LRMDA: variants seen among roughly 807,000 people sequenced by gnomAD.
LRMDA encodes the protein leucine rich melanocyte differentiation associated, also known as leucine-rich melanocyte differentiation-associated protein.
In LRMDA, 18 loss-of-function variants were observed where a neutral mutation model predicts 29.8. That is an observed-to-expected ratio of 0.60 (90% CI 0.42 to 0.90). The LOEUF (loss-of-function observed/expected upper bound fraction) is 0.90. Ranked by LOEUF, LRMDA falls within the 40% of genes least tolerant of loss-of-function variation. LRMDA has a pLI of 0.00. For missense variants in LRMDA, 273 were observed against 273.9 expected, an observed-to-expected ratio of 1.00 and a Z score of 0.02; for synonymous variants, 125 against 109.4, an observed-to-expected ratio of 1.14 and a Z score of -0.89.
At chr10:75,680,202 C>T (rs778777427) in intron 2 of LRMDA, among the ~76,000 whole-genome samples, 1 of 152,182 alleles carries the variant, frequency 6.6e-6, no homozygotes. Flanking sequence ...ATCTCATTAG[C>T]CTGATAAGTC....
chr10:76,126,340 A>T (rs1849882513), intron 5 of LRMDA, among the ~76,000 whole-genome samples: 1 of 152,208 alleles, frequency 6.6e-6, no homozygotes, highest in African/African-American at 2.4e-5. Context: ...ACAATTGCAG[A>T]TAGCGCATAG....
intron 5 of LRMDA, among the ~76,000 whole-genome samples, chr10:76,266,237 C>A (rs1450148090): frequency 1.2e-5 from 1 of 86,488 alleles, no homozygotes; most frequent in East Asian, 7.1e-4. Flanking sequence ...TAATAATAAT[C>A]ATCTTTTTTT....
chr10:76,159,092 T>C (rs1324097145), intron 5 of LRMDA, among the ~76,000 whole-genome samples: 1 of 152,186 alleles, frequency 6.6e-6, no homozygotes, highest in Non-Finnish European at 1.5e-5. Context: ...CACATAGATG[T>C]TGAACTTTAA....
intron 5 of LRMDA, among the ~76,000 whole-genome samples, chr10:76,185,804 T>A (rs976449684): frequency 2.0e-4 from 30 of 152,244 alleles, no homozygotes; most frequent in East Asian, 3.9e-4. Flanking sequence ...CATTTTTTTT[T>A]AAAAAAGAAT....
chr10:76,045,851 A>G (rs1421073173), intron 3 of LRMDA, among the ~76,000 whole-genome samples: 1 of 152,148 alleles, frequency 6.6e-6, no homozygotes, highest in African/African-American at 2.4e-5. Context: ...TAGGGACCCA[A>G]TTCCGACATT....
chr10:75,774,783 A>G (rs1318701385), intron 2 of LRMDA, among the ~76,000 whole-genome samples: 1 of 152,200 alleles, frequency 6.6e-6, no homozygotes, highest in Non-Finnish European at 1.5e-5. Flanking sequence ...ACCACTAAAT[A>G]ACAACGTACC....
At chr10:75,838,367 A>G (rs1224009360) in intron 2 of LRMDA, among the ~76,000 whole-genome samples, 1 of 152,246 alleles carries the variant, frequency 6.6e-6, no homozygotes, top group Non-Finnish European at 1.5e-5. Flanking sequence ...AATAGTTTAT[A>G]TAGGGAACAT....
At chr10:75,783,733 CAG>C (rs1382631839) in intron 2 of LRMDA, among the ~76,000 whole-genome samples, 1 of 152,142 alleles carries the variant, frequency 6.6e-6, no homozygotes, top group Non-Finnish European at 1.5e-5. Flanking sequence ...TGGTATTAAA[CAG>C]AGCAATCTAG....
chr10:76,131,823 G>A (rs1053236232), intron 5 of LRMDA, among the ~76,000 whole-genome samples: 9 of 152,138 alleles, frequency 5.9e-5, no homozygotes, highest in Non-Finnish European at 1.0e-4. Flanking sequence ...GTAGTTTTGT[G>A]AACTTGTCAG....
chr10:76,552,130 T>C (rs560266561), intron 6 of LRMDA, among the ~76,000 whole-genome samples: 1 of 152,256 alleles, frequency 6.6e-6, no homozygotes, highest in Non-Finnish European at 1.5e-5. Context: ...ATTTTACAAA[T>C]ATAAATGTGT....
At chr10:75,440,594 AT>A (rs1342115647) in intron 2 of LRMDA, among the ~76,000 whole-genome samples, 1 of 152,056 alleles carries the variant, frequency 6.6e-6, no homozygotes, top group Non-Finnish European at 1.5e-5. Context: ...TATTTACCTA[AT>A]TGGAGGGAAG....
chr10:76,434,472 A>C (rs115447283), intron 6 of LRMDA, among the ~76,000 whole-genome samples: 2 of 152,066 alleles, frequency 1.3e-5, no homozygotes, highest in Non-Finnish European at 2.9e-5. Context: ...GTAAGGAGCA[A>C]TGGGAACTGA....
chr10:75,916,221 G>A (rs964307383), intron 2 of LRMDA, among the ~76,000 whole-genome samples: 13 of 147,944 alleles, frequency 8.8e-5, no homozygotes, highest in Non-Finnish European at 1.8e-4. Context: ...TGTGTATACC[G>A]ACCACCATAG....
At chr10:75,871,166 C>G (rs1024968211) in intron 2 of LRMDA, among the ~76,000 whole-genome samples, 1 of 152,206 alleles carries the variant, frequency 6.6e-6, no homozygotes, top group Admixed American at 6.5e-5. Context: ...CCACCTGACT[C>G]TAGCAGACAC....
intron 2 of LRMDA, among the ~76,000 whole-genome samples, chr10:75,668,668 A>T (rs535521846): frequency 1.3e-5 from 2 of 152,294 alleles, no homozygotes; most frequent in African/African-American, 4.8e-5. Context: ...TTCTGAAGGG[A>T]GTAGGAACTT....
At chr10:76,028,009 C>T (rs1356418102) in intron 2 of LRMDA, among the ~76,000 whole-genome samples, 2 of 152,108 alleles carry the variant, frequency 1.3e-5, no homozygotes, top group East Asian at 3.8e-4. Context: ...TAAACTTATA[C>T]ACATCTTTGA....
chr10:76,313,997 T>TA (rs1437412768), intron 5 of LRMDA, among the ~76,000 whole-genome samples: 1 of 152,180 alleles, frequency 6.6e-6, no homozygotes, highest in Non-Finnish European at 1.5e-5. Context: ...AGTTTTTGAA[T>TA]ATTGGAAGAA....
intron 2 of LRMDA, among the ~76,000 whole-genome samples, chr10:75,734,142 TG>T (rs1214494652): frequency 6.6e-6 from 1 of 152,196 alleles, no homozygotes; most frequent in African/African-American, 2.4e-5. Flanking sequence ...GAGTGTTCTG[TG>T]GTCTTCTAAC....
At chr10:76,129,840 T>G (rs1003432433) in intron 5 of LRMDA, among the ~76,000 whole-genome samples, 8 of 152,200 alleles carry the variant, frequency 5.3e-5, no homozygotes, top group African/African-American at 1.9e-4. Flanking sequence ...AAGTAGAAGT[T>G]CATAGCAAGG....
Sources: allele counts gnomAD v4.1 joint callset (sites outside exome capture counted in the v4.1 genomes callset), GRCh38; gene constraint gnomAD v4.1.1; transcripts MANE v1.5; gene names NCBI Gene and HGNC (gene_info 2026-07-23, HGNC 2026-07-21).